The following C13orf42 variants were observed in gnomAD, a reference collection of about 807,000 sequenced individuals.
The protein encoded by C13orf42 is chromosome 13 open reading frame 42.
chr13:51,153,621 GTTTTTTTTCTTTTTTTTTT>G (rs1356816528), intron 1 of C13orf42, among the ~76,000 whole-genome samples: 3 of 82,034 alleles, frequency 3.7e-5, no homozygotes, highest in South Asian at 4.0e-4. Context: ...CTTGCTTTCT[GTTTTTTTTCTTTTTTTTTT>G]TTTTTTTTTT....
chr13:51,107,140 G>T (rs187282725), intron 1 of C13orf42, among the ~76,000 whole-genome samples: 24 of 152,264 alleles, frequency 1.6e-4, no homozygotes, highest in African/African-American at 5.3e-4. Context: ...TGGTCTTCTA[G>T]GCTCTGGGTA....
At chr13:51,090,612 A>G (rs886728601) in intron 1 of C13orf42, among the ~76,000 whole-genome samples, 2 of 152,092 alleles carry the variant, frequency 1.3e-5, no homozygotes, top group Non-Finnish European at 2.9e-5. Context: ...TCATCATATT[A>G]TTTTTTATCT....
intron 1 of C13orf42, among the ~76,000 whole-genome samples, chr13:51,089,198 A>C (rs964131915): frequency 1.3e-5 from 2 of 152,234 alleles, no homozygotes; most frequent in Non-Finnish European, 2.9e-5. Context: ...CTATGTGTAC[A>C]AGATGTTTAT....
intron 1 of C13orf42, among the ~76,000 whole-genome samples, chr13:51,149,312 GAAAAAAAAAAAAAA>G (rs60935214): frequency 9.7e-6 from 1 of 103,084 alleles, no homozygotes; most frequent in Non-Finnish European, 1.9e-5. Context: ...GGCTGAAATT[GAAAAAAAAAAAAAA>G]AAAACCCTAA....
chr13:51,151,286 A>G (rs1380301225), intron 1 of C13orf42, among the ~76,000 whole-genome samples: 1 of 152,148 alleles, frequency 6.6e-6, no homozygotes, highest in Non-Finnish European at 1.5e-5. Context: ...ATGAAATGTG[A>G]GAGAGACTCA....
At chr13:51,166,878 A>C (rs1301223575) in intron 1 of C13orf42, among the ~76,000 whole-genome samples, 1 of 152,182 alleles carries the variant, frequency 6.6e-6, no homozygotes, top group Non-Finnish European at 1.5e-5. Context: ...CAGGAGTTCA[A>C]GACCAGCCTG....
chr13:51,148,808 C>T (rs9596469), intron 1 of C13orf42, among the ~76,000 whole-genome samples: 2 of 152,220 alleles, frequency 1.3e-5, no homozygotes, highest in Admixed American at 6.5e-5. Context: ...CCGCCAGGCC[C>T]CAGCTGGGCC....
chr13:51,116,083 A>G (rs1413658053), upstream of C13orf42, among the ~76,000 whole-genome samples: 3 of 151,900 alleles, frequency 2.0e-5, no homozygotes, highest in Admixed American at 6.6e-5. Context: ...AAAAAAAAAA[A>G]GTCCTTGTAA....
chr13:51,166,563 T>G (rs1006844618), intron 1 of C13orf42, among the ~76,000 whole-genome samples: 2 of 147,276 alleles, frequency 1.4e-5, no homozygotes, highest in African/African-American at 5.0e-5. Context: ...CTGCACAATG[T>G]GCACATGTAC....
chr13:51,123,554 C>G (rs6561614), intron 1 of C13orf42, among the ~76,000 whole-genome samples: 47 of 152,294 alleles, frequency 3.1e-4, no homozygotes, highest in Middle Eastern at 3.4e-3. Context: ...GTGAACAGCC[C>G]TAAAAATGCC....
At chr13:51,122,774 C>A (rs1218867737) in intron 1 of C13orf42, among the ~76,000 whole-genome samples, 1 of 152,094 alleles carries the variant, frequency 6.6e-6, no homozygotes, top group Admixed American at 6.6e-5. Flanking sequence ...ATCCTCAGGG[C>A]CTTGTGGATC....
At chr13:51,140,993 C>G (rs556903409) in intron 1 of C13orf42, among the ~76,000 whole-genome samples, 1 of 151,934 alleles carries the variant, frequency 6.6e-6, no homozygotes, top group South Asian at 2.1e-4. Context: ...GCATTTTGTC[C>G]TAGCTGAAAT....
At chr13:51,086,317 CA>C (rs151139876) in intron 2 of C13orf42, among the ~76,000 whole-genome samples, 6 of 114,350 alleles carry the variant, frequency 5.2e-5, no homozygotes, top group African/African-American at 2.1e-4. Context: ...AAAAAAAAAA[CA>C]AAAAAAAACA....
chr13:51,107,554 T>G (rs1953372324), intron 1 of C13orf42, among the ~76,000 whole-genome samples: 1 of 152,116 alleles, frequency 6.6e-6, no homozygotes, highest in Non-Finnish European at 1.5e-5. Flanking sequence ...GCCAGGGGCT[T>G]GCATCCGGAT....
At chr13:51,172,147 C>G (rs1460118432) in intron 1 of C13orf42, 1 of 152,188 alleles carries the variant, frequency 6.6e-6, no homozygotes, top group Non-Finnish European at 1.5e-5. Flanking sequence ...GCTACACGTG[C>G]CAGAAATCTG....
intron 1 of C13orf42, among the ~76,000 whole-genome samples, chr13:51,163,393 C>A (rs1953881320): frequency 6.6e-6 from 1 of 152,110 alleles, no homozygotes; most frequent in Admixed American, 6.5e-5. Context: ...CCTACTGACT[C>A]CAGCAGGGAT....
chr13:51,084,446 C>G (rs927868897), intron 3 of C13orf42, 121 bp from the exon 4 acceptor site: 11 of 396,322 alleles, frequency 2.8e-5, no homozygotes, highest in African/African-American at 2.1e-4. Context: ...AGTCCTGGGT[C>G]TTGGGGAGGA....
At chr13:51,117,732 G>T (rs1400604345) in intron 1 of C13orf42, among the ~76,000 whole-genome samples, 1 of 151,776 alleles carries the variant, frequency 6.6e-6, no homozygotes, top group African/African-American at 2.4e-5. Flanking sequence ...CTAATTTAAG[G>T]CTATCATATT....
At chr13:51,092,551 T>C (rs1251517840) in intron 1 of C13orf42, among the ~76,000 whole-genome samples, 1 of 152,092 alleles carries the variant, frequency 6.6e-6, no homozygotes, top group Admixed American at 6.5e-5. Context: ...ATTCCAAACC[T>C]CATTTTGTTG....
Sources: gnomAD v4.1 joint callset for allele counts (sites outside exome capture counted in the v4.1 genomes callset) on GRCh38, gnomAD v4.1.1 for gene constraint, MANE v1.5 for transcripts, NCBI Gene and HGNC (gene_info 2026-07-23, HGNC 2026-07-21) for gene names.